Variants in C15orf40 observed in about 807,000 individuals in gnomAD.
C15orf40 encodes UPF0235 protein C15orf40.
Under a neutral mutation model 13.9 loss-of-function variants are expected in C15orf40, and 9 were observed. The observed-to-expected ratio is 0.65, with a 90% confidence interval of 0.39 to 1.13. The LOEUF is 1.13. C15orf40 is among the 50% of genes most tolerant of loss of function. The pLI is 0.01. For synonymous variants in C15orf40, 95 were observed against 69.2 expected (o/e 1.37, Z -1.85); for missense variants, 225 against 188.5 (o/e 1.19, Z -1.13).
rs1344674672 is a variant in C15orf40, at chr15:82,996,125, A to AT, written c.*9471dup. The AT allele has an allele frequency of 5.9e-5, 9 of 151,852 alleles. No individual in the cohort carries two copies. The highest frequency in any genetic ancestry group is 1.5e-5 in the Non-Finnish European group (1 of 67,992). The allele number at this position is 151,852 out of a possible 1,614,324, so 9.4% of individuals were successfully genotyped here. Reference sequence around the variant, plus strand: ...GCCCTATGTATTAATTACCAGTTAGATTTTCTCTGGGTTTCAGTGACTCCT... The same window carrying AT: ...GCCCTATGTATTAATTACCAGTTAGATTTTTCTCTGGGTTTCAGTGACTCCT... On this transcript the variant is annotated 3_prime_UTR_variant, in exon 4 of 4. Coordinates refer to ENST00000304177, the MANE Select transcript of C15orf40 (RefSeq NM_144597.3).
rs2151285412 is a variant in C15orf40, at chr15:83,004,738, TTTTTTTTACATTTAAA to T, written c.*843_*858del. 1.0e-6 allele frequency: 1 copy of T among 989,458 alleles called. No homozygotes were observed. Among genetic ancestry groups the T allele is most frequent in the Non-Finnish European group, 1.2e-6 (1 of 820,106 alleles). The allele number at this position is 989,458 out of a possible 1,614,324, so 61.3% of individuals were successfully genotyped here. On this transcript the variant is annotated 3_prime_UTR_variant, in exon 4 of 4. Transcript: ENST00000304177. ...GTCTTTAAAAGATGTAAAAAAAAAATTTTTTTTACATTTAAATAAGCATTTAAAAATCTAAGGTAAG... is the reference window on the plus strand; with the variant it reads ...GTCTTTAAAAGATGTAAAAAAAAAATTAAGCATTTAAAAATCTAAGGTAAG...
intron 1 of C15orf40, chr15:83,011,197 G>A: frequency 3.1e-6 from 1 of 320,034 alleles, no homozygotes; most frequent in Non-Finnish European, 5.7e-6. Context: ...AACATGAATT[G>A]CTGGACTGGG....
Position 82,996,084 on chromosome 15 carries a change from C to T in C15orf40, c.*9513G>A, listed in dbSNP as rs1049232730. 1 of 152,224 alleles carries T rather than the reference C, an allele frequency of 6.6e-6. No individual in the cohort carries two copies. Among genetic ancestry groups the T allele is most frequent in the African/African-American group, 2.4e-5 (1 of 41,460 alleles). The allele number at this position is 152,224 out of a possible 1,614,324, so 9.4% of individuals were successfully genotyped here. A position where few individuals can be genotyped will look rare whatever the true frequency, so the allele number is the denominator to read the frequency against. On this transcript the variant is annotated 3_prime_UTR_variant, in exon 4 of 4. Transcript: ENST00000304177. ...TTCAGTTGGTGTTTTCACTCCTTTC[C>T]CTCAGGGACACGAGAGCCCTATGTA...
In C15orf40 at chr15:83,003,419, G is replaced by C. The variant is rs1031219288; in HGVS notation, c.*2178C>G. 3.9e-5 allele frequency: 6 copies of C among 152,090 alleles called. No individual in the cohort carries two copies. The highest frequency in any genetic ancestry group is 1.5e-4 in the African/African-American group (6 of 41,372). The allele number at this position is 152,090 out of a possible 1,614,324, so 9.4% of individuals were successfully genotyped here. A position where few individuals can be genotyped will look rare whatever the true frequency, so the allele number is the denominator to read the frequency against. ...TGGGATTACAGGTGTGAGCTACCAT[G>C]CCCGGCCAGGAAAGTTGATCTTTTA... On this transcript the variant is annotated 3_prime_UTR_variant, in exon 4 of 4. Coordinates refer to ENST00000304177, the MANE Select transcript of C15orf40 (RefSeq NM_144597.3).
intron 2 of C15orf40, 90 bp downstream of exon 2, chr15:83,010,147 A>G (rs1285587315): frequency 2.4e-5 from 36 of 1,525,308 alleles, no homozygotes; most frequent in East Asian, 2.3e-4. Flanking sequence ...ATCAACTGTC[A>G]TAGAATAAGC....
chr15:83,005,061 C>G lies in C15orf40; in HGVS notation c.*536G>C, dbSNP rs1450853895. ...TATTCTTCCCAGCTCTGTTATTTTA[C>G]AACGCCATGAAATCAGAGTAACATG... On this transcript the variant is annotated 3_prime_UTR_variant, in exon 4 of 4. Coordinates refer to ENST00000304177, the MANE Select transcript of C15orf40 (RefSeq NM_144597.3). 3.3e-6 allele frequency: 4 copies of G among 1,198,144 alleles called. No homozygotes were observed. In the East Asian group the frequency reaches 2.5e-4, roughly 74 times the overall value. 74.2% of individuals were successfully genotyped at this position (1,198,144 alleles called of 1,614,324 possible).
chr15:83,002,075 T>C lies in C15orf40; in HGVS notation c.*3522A>G, dbSNP rs1421435752. On this transcript the variant is annotated 3_prime_UTR_variant, in exon 4 of 4. Transcript: ENST00000304177. ...GTCATGTACCACCACGCCCAGCTAA[T>C]TTTTGTAATTTTTAGTAGAGGTGGG... 1.3e-5 allele frequency: 2 copies of C among 152,178 alleles called. No homozygotes were observed. The highest frequency in any genetic ancestry group is 2.9e-5 in the Non-Finnish European group (2 of 68,062). 9.4% of individuals were successfully genotyped at this position (152,178 alleles called of 1,614,324 possible).
rs2031569412 is a variant in C15orf40, at chr15:83,004,512, G to A, written c.*1085C>T. ...TTAATATAGATGTAATTTCTGACAA[G>A]CTTTTACAAATACTGAAAATAGCTT... On this transcript the variant is annotated 3_prime_UTR_variant, in exon 4 of 4. Transcript: ENST00000304177. 1 of 803,838 alleles carries A rather than the reference G, an allele frequency of 1.2e-6. No individual in the cohort carries two copies. Among genetic ancestry groups the A allele is most frequent in the Non-Finnish European group, 1.5e-6 (1 of 664,728 alleles). 49.8% of individuals were successfully genotyped at this position (803,838 alleles called of 1,614,324 possible). A position where few individuals can be genotyped will look rare whatever the true frequency, so the allele number is the denominator to read the frequency against.
In C15orf40 at chr15:83,006,342, A is replaced by G. The variant is rs2031678267; in HGVS notation, c.367-650T>C. The G allele has an allele frequency of 4.3e-6, 4 of 929,356 alleles. No homozygotes were observed. The South Asian group carries it at 2.0e-4, about 46-fold the overall frequency. 57.6% of individuals were successfully genotyped at this position (929,356 alleles called of 1,614,324 possible). ...TATTGCAATTTTATATAAACTTTGTAGTAAAATAATTATAAATATAAACAA... is the reference window on the plus strand; with the variant it reads ...TATTGCAATTTTATATAAACTTTGTGGTAAAATAATTATAAATATAAACAA... On this transcript the variant is annotated intron_variant, in intron 3 of 3. Coordinates refer to ENST00000304177, the MANE Select transcript of C15orf40 (RefSeq NM_144597.3).
chr15:82,997,040 TA>T lies in C15orf40; in HGVS notation c.*8556del, dbSNP rs200782467. ...TCTCAAATAATAATAATAATAATAA[TA>T]ATTATTATTATTATTTTTAACTGAC... On this transcript the variant is annotated 3_prime_UTR_variant, in exon 4 of 4. Transcript: ENST00000304177. The T allele has an allele frequency of 0.11, 16,137 of 145,964 alleles. 942 individuals carry two copies. The highest frequency in any genetic ancestry group is 0.19 in the East Asian group (983 of 5,042). 9.0% of individuals were successfully genotyped at this position (145,964 alleles called of 1,614,324 possible).
At chr15:83,008,436 T>C (rs918069475) in intron 3 of C15orf40, 112 bp downstream of exon 3, 2 of 1,114,064 alleles carry the variant, frequency 1.8e-6, no homozygotes, top group East Asian at 2.6e-5. Context: ...GGAGAATAGC[T>C]TGAACCCAGG....
chr15:82,990,668 G>C, downstream of C15orf40: 8 of 1,530,232 alleles, frequency 5.2e-6, no homozygotes, highest in Non-Finnish European at 6.2e-6. Context: ...GTAAAATAAG[G>C]AAGGAATCAT....
At chr15:82,989,245 C>A, downstream of C15orf40, 1 of 1,570,158 alleles carries the variant, frequency 6.4e-7, no homozygotes, top group African/African-American at 1.4e-5. Context: ...TAGCTTTAAT[C>A]TGCTAGACTG....
At position 83,011,567 on chromosome 15, in the gene C15orf40, G is replaced by A. The variant is rs79927613; in HGVS notation, c.41C>T (p.Thr14Ile). Residue 14 changes from threonine (T) to isoleucine (I), a missense_variant, in exon 1 of 4, where the codon ACA (threonine) becomes ATA (isoleucine). Thr to Ile is a moderately conservative substitution (Grantham distance 89). Coordinates refer to ENST00000304177, the MANE Select transcript of C15orf40 (RefSeq NM_144597.3). ...CCGAGCGGAGCCCCGAGTATTGGGT[G>A]TTGCCCGAAGGTGCCTCAGCCCGCT... ...LRSGLRHLRA[T>I]PNTRGSARLL... is the part of the protein sequence containing the mutation. The A allele has an allele frequency of 9.4e-3, 15,032 of 1,604,530 alleles. 79 individuals carry two copies. The highest frequency in any genetic ancestry group is 0.012 in the Non-Finnish European group (13,825 of 1,177,846).
chr15:82,999,155 AGG>A lies in C15orf40; in HGVS notation c.*6440_*6441del, dbSNP rs2031293490. 1 of 56,412 alleles carries A rather than the reference AGG, an allele frequency of 1.8e-5. No individual in the cohort carries two copies. The highest frequency in any genetic ancestry group is 3.3e-5 in the Non-Finnish European group (1 of 30,728). 3.5% of individuals were successfully genotyped at this position (56,412 alleles called of 1,614,324 possible). On this transcript the variant is annotated 3_prime_UTR_variant, in exon 4 of 4. Transcript: ENST00000304177. ...GGCATCAGAGGGAGACCGTGGGGAGAGGGAGAGGGTGAGGGAGAGGGGGAGGG... is the reference window on the plus strand; with the variant it reads ...GGCATCAGAGGGAGACCGTGGGGAGAGAGAGGGTGAGGGAGAGGGGGAGGG...
chr15:82,993,373 A>C (rs1374686812), downstream of C15orf40, among the ~76,000 whole-genome samples: 2 of 152,232 alleles, frequency 1.3e-5, no homozygotes, highest in Non-Finnish European at 2.9e-5. Context: ...AAGATGAGGT[A>C]GGGCAGAAGA....
chr15:83,009,297 A>T (rs1397134579), intron 2 of C15orf40, among the ~76,000 whole-genome samples: 1 of 152,254 alleles, frequency 6.6e-6, no homozygotes, highest in Non-Finnish European at 1.5e-5. Context: ...AGATATTAGT[A>T]CCATTATTAT....
chr15:83,010,471 C>A (rs1174528138), intron 1 of C15orf40, 108 bp from the exon 2 acceptor site: 1 of 1,325,442 alleles, frequency 7.5e-7, no homozygotes, highest in Admixed American at 1.9e-5. Flanking sequence ...CTAGGCTCAT[C>A]AGTGGTGTCC....
In C15orf40 at chr15:83,010,571, GT is replaced by G. The variant is rs74792500; in HGVS notation, c.112-209del. On this transcript the variant is annotated intron_variant, in intron 1 of 3. Coordinates refer to ENST00000304177, the MANE Select transcript of C15orf40 (RefSeq NM_144597.3). ...GAAGGGTTCCCATCAACCCAACAGTGTTTTTTCCCCCCTTGCAAGAAAACCT... is the reference window on the plus strand; with the variant it reads ...GAAGGGTTCCCATCAACCCAACAGTGTTTTTCCCCCCTTGCAAGAAAACCT... 1.8e-3 allele frequency: 925 copies of G among 516,112 alleles called. 16 individuals are homozygous for G. The East Asian group carries it at 0.027, about 15-fold the overall frequency. The allele number at this position is 516,112 out of a possible 1,614,324, so 32.0% of individuals were successfully genotyped here.
Sources: allele counts gnomAD v4.1 joint callset (sites outside exome capture counted in the v4.1 genomes callset), GRCh38; gene constraint gnomAD v4.1.1; transcripts MANE v1.5; gene names NCBI Gene and HGNC (gene_info 2026-07-23, HGNC 2026-07-21).